The following CROT variants were observed in gnomAD, a reference collection of about 807,000 sequenced individuals.
The protein encoded by CROT is peroxisomal carnitine O-octanoyltransferase.
Under a neutral mutation model 89.2 loss-of-function variants are expected in CROT, and 84 were observed. The ratio of observed to expected loss-of-function variants is 0.94; its 90% CI spans 0.79 to 1.13. The LOEUF (loss-of-function observed/expected upper bound fraction) is 1.13, where lower values mean the gene tolerates loss of function less well. Among genes scored for constraint, CROT ranks in the 50% most tolerant of loss-of-function variants. CROT has a pLI of 0.00. For synonymous variants in CROT, 212 were observed against 239.5 expected, an observed-to-expected ratio of 0.89 and a Z score of 1.06; for missense variants, 711 against 727.8, an observed-to-expected ratio of 0.98 and a Z score of 0.27.
chr7:87,384,026 T>C (rs1807112916), intron 13 of CROT, among the ~76,000 whole-genome samples: 1 of 152,154 alleles, frequency 6.6e-6, no homozygotes, highest in South Asian at 2.1e-4. Context: ...TGTACTAATT[T>C]ACATTTCCAC....
intron 5 of CROT, 56 bp downstream of exon 5, chr7:87,361,627 T>C: frequency 2.0e-6 from 3 of 1,536,172 alleles, no homozygotes; most frequent in Non-Finnish European, 2.6e-6. Context: ...GGTAGCAAAA[T>C]GTTGAGAAGC....
At chr7:87,393,136 C>A in intron 17 of CROT, 69 bp downstream of exon 17, 2 of 1,491,440 alleles carry the variant, frequency 1.3e-6, no homozygotes, top group Non-Finnish European at 1.8e-6. Context: ...TTTTTAAATG[C>A]CTTTCCTACA....
chr7:87,391,748 G>T, intron 14 of CROT, 36 bp downstream of exon 14: 14 of 1,592,026 alleles, frequency 8.8e-6, no homozygotes, highest in Non-Finnish European at 1.2e-5. Flanking sequence ...CACAAGATTT[G>T]TTTAATTGTT....
Position 87,399,306 on chromosome 7 carries a change from C to T in CROT, c.*662C>T, listed in dbSNP as rs537705400. The T allele has an allele frequency of 3.3e-5, 5 of 152,476 alleles. No individual in the cohort carries two copies. Among genetic ancestry groups the T allele is most frequent in the African/African-American group, 1.2e-4 (5 of 41,544 alleles). 9.4% of individuals were successfully genotyped at this position (152,476 alleles called of 1,614,324 possible). A position where few individuals can be genotyped will look rare whatever the true frequency, so the allele number is the denominator to read the frequency against. ...CCTGGGCAACAGGGTAAGGTCCTGT[C>T]TCTACAAGATCAAAAACTTAGCCGG... On this transcript the variant is annotated 3_prime_UTR_variant, in exon 18 of 18. Transcript: ENST00000331536.
chr7:87,379,066 A>G (rs916715821), intron 10 of CROT, among the ~76,000 whole-genome samples: 2 of 152,004 alleles, frequency 1.3e-5, no homozygotes, highest in African/African-American at 4.8e-5. Flanking sequence ...ATTCTCCTTG[A>G]CCTTCCTCAG....
intron 13 of CROT, among the ~76,000 whole-genome samples, chr7:87,384,068 A>G (rs1807114454): frequency 6.6e-6 from 1 of 151,942 alleles, no homozygotes; most frequent in Admixed American, 6.6e-5. Context: ...TTTTCTCCAC[A>G]TCTTTGCTAG....
At chr7:87,392,497 G>A in intron 14 of CROT, 69 bp from the exon 15 acceptor site, 2 of 1,220,192 alleles carry the variant, frequency 1.6e-6, no homozygotes, top group Non-Finnish European at 2.4e-6. Context: ...ATTACAATGA[G>A]CTTAGGATTT....
chr7:87,357,626 T>C, intron 3 of CROT: 1 of 836,576 alleles, frequency 1.2e-6, no homozygotes, highest in African/African-American at 1.7e-5. Context: ...AGACAGCTTA[T>C]TGAAAGCTAC....
intron 12 of CROT, 34 bp downstream of exon 12, chr7:87,382,215 A>G (rs1381848298): frequency 1.3e-6 from 2 of 1,539,422 alleles, no homozygotes; most frequent in Admixed American, 3.5e-5. Flanking sequence ...AATAATAATG[A>G]TTTTTTCTTT....
intron 17 of CROT, among the ~76,000 whole-genome samples, chr7:87,393,705 C>G (rs1248551261): frequency 6.6e-6 from 1 of 152,114 alleles, no homozygotes; most frequent in Non-Finnish European, 1.5e-5. Context: ...TACGTGACTA[C>G]ATTTAGCACT....
rs78121641 is a variant in CROT at position 87,354,336 on chromosome 7, G to C, written c.116-4870G>C. 2.9e-3 allele frequency: 1,519 copies of C among 516,064 alleles called. 17 individuals carry two copies. Among genetic ancestry groups the C allele is most frequent in the African/African-American group, 0.025 (1,316 of 51,972 alleles). The allele number at this position is 516,064 out of a possible 1,614,324, so 32.0% of individuals were successfully genotyped here. A position where few individuals can be genotyped will look rare whatever the true frequency, so the allele number is the denominator to read the frequency against. On this transcript the variant is annotated intron_variant, in intron 3 of 17. Transcript: ENST00000331536. Reference sequence around the variant, plus strand: ...AAAATTCTGCAGTGTGACTACTTCTGCTTATGGGAAGCCCATTTAGATAAC... The same window carrying C: ...AAAATTCTGCAGTGTGACTACTTCTCCTTATGGGAAGCCCATTTAGATAAC...
In CROT at chr7:87,382,438, A is replaced by G. The variant is rs564519711; in HGVS notation, c.1196A>G (p.Tyr399Cys). The change falls in exon 13 of 18, where the codon TAT (tyrosine) becomes TGT (cysteine). Residue 399 changes from tyrosine (Y) to cysteine (C), a missense_variant. Transcript: ENST00000331536. ...REASDLQIAA[Y>C]AFTSFGKKLT... ...GCATCTGATCTACAGATTGCGGCTTATGCCTTTACATCTTTTGGCAAAAAG... is the reference window on the plus strand; with the variant it reads ...GCATCTGATCTACAGATTGCGGCTTGTGCCTTTACATCTTTTGGCAAAAAG... The G allele has an allele frequency of 1.2e-6, 2 of 1,613,762 alleles. No individual in the cohort carries two copies. The highest frequency in any genetic ancestry group is 1.7e-5 in the Admixed American group (1 of 59,966).
intron 7 of CROT, chr7:87,369,700 C>T (rs1318199935): frequency 9.1e-6 from 2 of 219,476 alleles, no homozygotes; most frequent in East Asian, 1.9e-4. Flanking sequence ...AAAAGGAAAA[C>T]ATTACATATA....
intron 2 of CROT, 122 bp downstream of exon 2, chr7:87,346,552 T>C (rs1347228529): frequency 6.6e-6 from 1 of 152,228 alleles, no homozygotes; most frequent in Non-Finnish European, 1.5e-5. Flanking sequence ...CTTAGTGCTA[T>C]TGGAACCATC....
At position 87,350,699 on chromosome 7, in the gene CROT, T is replaced by G. The variant is rs569490756; in HGVS notation, c.115+1516T>G. ...CAAGGAGAAGGATGAGCATGCAATCTTAGAGATTTATTTTGCCATTCTGTC... is the reference window on the plus strand; with the variant it reads ...CAAGGAGAAGGATGAGCATGCAATCGTAGAGATTTATTTTGCCATTCTGTC... On this transcript the variant is annotated intron_variant, in intron 3 of 17. Transcript: ENST00000331536. 4.6e-5 allele frequency among the ~76,000 whole-genome samples: 7 copies of G among 152,226 alleles called. No homozygotes were observed. The South Asian group carries it at 1.2e-3, about 27-fold the overall frequency.
chr7:87,357,333 T>C (rs568737961), intron 3 of CROT, among the ~76,000 whole-genome samples: 32 of 152,276 alleles, frequency 2.1e-4, no homozygotes, highest in South Asian at 1.2e-3. Flanking sequence ...TCTCACCCCA[T>C]TGGGCTGGGA....
intron 17 of CROT, 86 bp from the exon 18 acceptor site, chr7:87,398,438 T>C: frequency 6.8e-7 from 1 of 1,471,574 alleles, no homozygotes; most frequent in Non-Finnish European, 9.4e-7. Flanking sequence ...TGTATGAATA[T>C]CCAGATGAAA....
Position 87,345,742 on chromosome 7 carries a change from G to A in CROT, c.-138G>A, listed in dbSNP as rs982722435. The A allele has an allele frequency of 6.1e-6, 2 of 327,038 alleles. No individual in the cohort carries two copies. Among genetic ancestry groups the A allele is most frequent in the Non-Finnish European group, 5.4e-6 (1 of 184,372 alleles). 20.3% of individuals were successfully genotyped at this position (327,038 alleles called of 1,614,324 possible). A position where few individuals can be genotyped will look rare whatever the true frequency, so the allele number is the denominator to read the frequency against. On this transcript the variant is annotated 5_prime_UTR_variant, in exon 1 of 18. Transcript: ENST00000331536. Reference sequence around the variant, plus strand: ...AGGCTGAGGCTGCGGCAGAGGCGGCGAGGCGCGGGCGGTGAGGACGGACAG... The same window carrying A: ...AGGCTGAGGCTGCGGCAGAGGCGGCAAGGCGCGGGCGGTGAGGACGGACAG...
In CROT at chr7:87,398,535, C is replaced by T; in HGVS notation, c.1730C>T (p.Ala577Val). The part of the protein sequence containing the change: ...YHIRDDRFVV[A>V]CSAWKSCPET... ...TTTATGCTTCACAGGTTTGTTGTGG[C>T]CTGTTCAGCCTGGAAATCCTGTCCC... is the stretch of plus-strand genomic sequence containing the variant. Residue 577 changes from alanine (A) to valine (V), a missense_variant, in exon 18 of 18, where the codon GCC becomes GTC. Transcript: ENST00000331536. 4 of 1,613,658 alleles carry T rather than the reference C, an allele frequency of 2.5e-6. No individual in the cohort carries two copies. Among genetic ancestry groups the T allele is most frequent in the Non-Finnish European group, 3.4e-6 (4 of 1,179,856 alleles).
Sources: gnomAD v4.1 joint callset for allele counts (sites outside exome capture counted in the v4.1 genomes callset) on GRCh38, gnomAD v4.1.1 for gene constraint, MANE v1.5 for transcripts, NCBI Gene and HGNC (gene_info 2026-07-23, HGNC 2026-07-21) for gene names.